The following ZFYVE16 variants were observed in gnomAD, a reference collection of about 807,000 sequenced individuals.
ZFYVE16 encodes the protein zinc finger FYVE domain-containing protein 16.
ZFYVE16 carries 89 observed loss-of-function variants against 138.1 expected under a neutral mutation model. The ratio of observed to expected loss-of-function variants is 0.64; its 90% confidence interval spans 0.54 to 0.77. The LOEUF is 0.77. Among genes scored for constraint, ZFYVE16 ranks in the 30% least tolerant of loss-of-function variants. The pLI, the probability that ZFYVE16 is intolerant of heterozygous loss-of-function variation, is 0.00. For missense variants in ZFYVE16, 1,793 were observed against 1,786.7 expected (o/e 1.00, Z -0.06); for synonymous variants, 596 against 618.3 (o/e 0.96, Z 0.53).
intron 15 of ZFYVE16, among the ~76,000 whole-genome samples, chr5:80,465,737 C>T (rs1753683310): frequency 6.6e-6 from 1 of 151,782 alleles, no homozygotes. Flanking sequence ...AAGAAGTCAG[C>T]AGTTAATTTT....
chr5:80,413,734 C>A (rs151099099), intron 1 of ZFYVE16, among the ~76,000 whole-genome samples: 2 of 152,152 alleles, frequency 1.3e-5, no homozygotes, highest in Non-Finnish European at 2.9e-5. Flanking sequence ...TTAATTCTCT[C>A]GCCGAACCTT....
chr5:80,453,926 T>C (rs1254487981), intron 11 of ZFYVE16: 1 of 152,228 alleles, frequency 6.6e-6, no homozygotes, highest in African/African-American at 2.4e-5. Flanking sequence ...GTAACTCAGA[T>C]AGTATGTCAT....
Position 80,436,856 on chromosome 5 carries a change from A to G in ZFYVE16, c.171A>G (p.Pro57=), listed in dbSNP as rs761098685. 1.9e-6 allele frequency: 3 copies of G among 1,614,056 alleles called. No homozygotes were observed. The highest frequency in any genetic ancestry group is 2.5e-6 in the Non-Finnish European group (3 of 1,180,038). ...CCTCACAGCGAACTTCATTGCTCCCAAAAGACCAAGAGTGCGTTAATAGTT... is the reference window on the plus strand; with the variant it reads ...CCTCACAGCGAACTTCATTGCTCCCGAAAGACCAAGAGTGCGTTAATAGTT... ...LASSQRTSLL[P]KDQECVNSCA... Residue 57 remains proline (P), a synonymous_variant, in exon 4 of 19, where the codon CCA becomes CCG. Coordinates refer to ENST00000505560, the MANE Select transcript of ZFYVE16 (RefSeq NM_001284236.3).
In ZFYVE16 at chr5:80,438,641, G is replaced by T. The variant is rs759947149; in HGVS notation, c.1956G>T (p.Leu652Phe). 1 of 1,613,916 alleles carries T rather than the reference G, an allele frequency of 6.2e-7. No homozygotes were observed. Among genetic ancestry groups the T allele is most frequent in the African/African-American group, 1.3e-5 (1 of 74,904 alleles). Reference protein sequence around the residue: ...QSVGGARPKQLFSLPSRTRSS... With the variant: ...QSVGGARPKQFFSLPSRTRSS... ...TTGGAGGGGCCAGACCTAAGCAATT[G>T]TTTAGCCTTCCATCAAGAACAAGGA... Residue 652 changes from leucine (L) to phenylalanine (F), a missense_variant, in exon 4 of 19, where the codon TTG becomes TTT. Coordinates refer to ENST00000505560, the MANE Select transcript of ZFYVE16 (RefSeq NM_001284236.3).
At chr5:80,429,966 T>C (rs1312099844) in intron 2 of ZFYVE16, among the ~76,000 whole-genome samples, 2 of 152,038 alleles carry the variant, frequency 1.3e-5, no homozygotes, top group Non-Finnish European at 2.9e-5. Context: ...ACAAAGAGAC[T>C]TTCACTCCCA....
Position 80,479,973 on chromosome 5 carries a change from T to A in ZFYVE16, c.*2596T>A, listed in dbSNP as rs996894621. On this transcript the variant is annotated 3_prime_UTR_variant, in exon 19 of 19. Transcript: ENST00000505560. ...AGAATCTTAAGCACTGAGCTTCCTT[T>A]AAGGTGTTCCCACACTAGTAATGCC... Among the ~76,000 whole-genome samples, 1 of 152,218 alleles carries A rather than the reference T, an allele frequency of 6.6e-6. No individual in the cohort carries two copies. The highest frequency in any genetic ancestry group is 2.4e-5 in the African/African-American group (1 of 41,452).
At position 80,470,102 on chromosome 5, in the gene ZFYVE16, T is replaced by TA. The variant is rs1491134484; in HGVS notation, c.4025-2659_4025-2658insA. On this transcript the variant is annotated intron_variant, in intron 15 of 18. Coordinates refer to ENST00000505560, the MANE Select transcript of ZFYVE16 (RefSeq NM_001284236.3). Reference sequence around the variant, plus strand: ...GTGTGTGTGTGTGTGTGTGTGTGTATTTTTTTTTTTTTTTTTTGAGACAGA... The same window carrying TA: ...GTGTGTGTGTGTGTGTGTGTGTGTATATTTTTTTTTTTTTTTTTGAGACAGA... Among the ~76,000 whole-genome samples, 154 of 20,314 alleles carry TA rather than the reference T, an allele frequency of 7.6e-3. 10 individuals are homozygous for TA. Among genetic ancestry groups the TA allele is most frequent in the African/African-American group, 0.011 (143 of 13,094 alleles). 13.3% of individuals were successfully genotyped at this position (20,314 alleles called of 152,430 possible). A position where few individuals can be genotyped will look rare whatever the true frequency, so the allele number is the denominator to read the frequency against.
intron 5 of ZFYVE16, 90 bp downstream of exon 5, chr5:80,440,122 T>C: frequency 6.9e-7 from 1 of 1,448,054 alleles, no homozygotes; most frequent in South Asian, 1.5e-5. Context: ...CTTTATTTTC[T>C]TAAGGCAAGG....
At chr5:80,439,462 C>T (rs555606328) in intron 4 of ZFYVE16, among the ~76,000 whole-genome samples, 3 of 152,246 alleles carry the variant, frequency 2.0e-5, no homozygotes, top group African/African-American at 7.2e-5. Context: ...ACCTTGAGTT[C>T]TGACTGATAA....
intron 6 of ZFYVE16, among the ~76,000 whole-genome samples, chr5:80,443,628 T>TG (rs1750971066): frequency 6.6e-6 from 1 of 152,108 alleles, no homozygotes; most frequent in East Asian, 1.9e-4. Flanking sequence ...CCTCATATAG[T>TG]TGGTACTCAG....
intron 1 of ZFYVE16, among the ~76,000 whole-genome samples, chr5:80,421,854 G>C (rs955591084): frequency 6.6e-6 from 1 of 152,124 alleles, no homozygotes; most frequent in Non-Finnish European, 1.5e-5. Context: ...TAGCTTGATG[G>C]GGATGGCATT....
intron 15 of ZFYVE16, among the ~76,000 whole-genome samples, chr5:80,464,469 C>T (rs187011157): frequency 6.6e-6 from 1 of 152,110 alleles, no homozygotes; most frequent in Non-Finnish European, 1.5e-5. Flanking sequence ...CTGGTCTCTC[C>T]CTTGACACGT....
intron 12 of ZFYVE16, chr5:80,456,149 T>C (rs1207706629): frequency 1.4e-5 from 4 of 295,684 alleles, no homozygotes; most frequent in Non-Finnish European, 2.5e-5. Context: ...AGTTTTCTCA[T>C]TTATAATAGG....
intron 2 of ZFYVE16, among the ~76,000 whole-genome samples, chr5:80,432,943 G>A (rs555538274): frequency 7.8e-4 from 119 of 152,126 alleles, no homozygotes; most frequent in African/African-American, 2.8e-3. Context: ...CAGGAAACAG[G>A]TGCTGGAGAG....
At chr5:80,431,087 A>T (rs1441813883) in intron 2 of ZFYVE16, among the ~76,000 whole-genome samples, 2 of 152,240 alleles carry the variant, frequency 1.3e-5, no homozygotes, top group African/African-American at 4.8e-5. Flanking sequence ...AACTCATTTT[A>T]TGAGGCCAGC....
chr5:80,443,299 C>G lies in ZFYVE16; in HGVS notation c.2581+15C>G, dbSNP rs757151547. 2 of 1,599,538 alleles carry G rather than the reference C, an allele frequency of 1.3e-6. No individual in the cohort carries two copies. The highest frequency in any genetic ancestry group is 4.5e-5 in the East Asian group (2 of 44,644). On this transcript the variant is annotated intron_variant, in intron 6 of 18. Transcript: ENST00000505560. ...AGGTGTTGAAGGTAATAGAAGAAAA[C>G]TGTGTCTTAGACTAAAGATAAATTA...
At chr5:80,464,558 A>G (rs996332520) in intron 15 of ZFYVE16, among the ~76,000 whole-genome samples, 4 of 152,174 alleles carry the variant, frequency 2.6e-5, no homozygotes, top group Admixed American at 1.3e-4. Context: ...GAATTTATCA[A>G]TTTCATTTAT....
At chr5:80,420,537 C>T (rs1457019420) in intron 1 of ZFYVE16, among the ~76,000 whole-genome samples, 1 of 152,100 alleles carries the variant, frequency 6.6e-6, no homozygotes, top group Non-Finnish European at 1.5e-5. Flanking sequence ...TGAGTGAGAA[C>T]ATGCAGTGTT....
chr5:80,441,189 TC>T, intron 5 of ZFYVE16: 1 of 985,368 alleles, frequency 1.0e-6, no homozygotes, highest in Non-Finnish European at 1.2e-6. Context: ...TATAATTATC[TC>T]CCCCACTTAA....
Sources: gnomAD v4.1 joint callset for allele counts (sites outside exome capture counted in the v4.1 genomes callset) on GRCh38, gnomAD v4.1.1 for gene constraint, MANE v1.5 for transcripts, NCBI Gene and HGNC (gene_info 2026-07-23, HGNC 2026-07-21) for gene names.